The following RNF6 variants were observed in gnomAD, a reference collection of about 807,000 sequenced individuals.
The protein encoded by RNF6 is E3 ubiquitin-protein ligase RNF6.
A neutral mutation model predicts 50.1 loss-of-function variants in RNF6; 21 were observed. The observed-to-expected ratio is 0.42, with a 90% CI of 0.30 to 0.60. The LOEUF is 0.60. Among genes scored for constraint, RNF6 ranks in the 20% least tolerant of loss-of-function variants. The pLI is 0.20. For synonymous variants in RNF6, 255 were observed against 291.8 expected (o/e 0.87, Z 1.29); for missense variants, 698 against 838.2 (o/e 0.83, Z 2.07).
intron 5 of RNF6, among the ~76,000 whole-genome samples, chr13:26,145,459 G>C (rs575617861): frequency 1.3e-5 from 2 of 148,826 alleles, no homozygotes; most frequent in African/African-American, 5.0e-5. Flanking sequence ...GAGGGGGGGG[G>C]ACTTCCCCCT....
rs1313614462 is a variant in RNF6, at chr13:26,149,864, G to A, written n.769-17413C>T. On this transcript the variant is annotated intron_variant and non_coding_transcript_variant, in intron 5 of 5. Coordinates refer to the RNF6 transcript ENST00000468480. The stretch of plus-strand genomic sequence containing the variant: ...CACATACACAGTGTATATATAATGT[G>A]TGTGTGTATATATATATATATATAT... Among the ~76,000 whole-genome samples the A allele has an allele frequency of 2.9e-5, 3 of 102,840 alleles. No homozygotes were observed. The East Asian group carries it at 7.8e-4, about 27-fold the overall frequency. 67.5% of individuals were successfully genotyped at this position (102,840 alleles called of 152,430 possible). A position where few individuals can be genotyped will look rare whatever the true frequency, so the allele number is the denominator to read the frequency against.
chr13:26,172,702 C>T (rs1161132408), intron 5 of RNF6, among the ~76,000 whole-genome samples: 1 of 152,096 alleles, frequency 6.6e-6, no homozygotes, highest in Non-Finnish European at 1.5e-5. Flanking sequence ...CGCCACCATG[C>T]CCGGCTAATT....
At chr13:26,173,119 G>A (rs1191487432) in intron 5 of RNF6, among the ~76,000 whole-genome samples, 7 of 152,186 alleles carry the variant, frequency 4.6e-5, no homozygotes, top group Non-Finnish European at 1.5e-5. Context: ...GGTAGAAACC[G>A]GCAGAGTACA....
chr13:26,219,294 G>T, intron 3 of RNF6, 163 bp downstream of exon 3: 1 of 578,668 alleles, frequency 1.7e-6, no homozygotes, highest in Non-Finnish European at 2.9e-6. Context: ...AGAAGCCAGT[G>T]ATTTTCTACT....
At chr13:26,188,267 T>TG (rs1873648405) in intron 5 of RNF6, among the ~76,000 whole-genome samples, 1 of 152,208 alleles carries the variant, frequency 6.6e-6, no homozygotes, top group South Asian at 2.1e-4. Flanking sequence ...GAAGTGCTGA[T>TG]GGTGGCAAGG....
rs1483828716 is a variant in RNF6 at position 26,215,122 on chromosome 13, T to A, written c.760A>T (p.Asn254Tyr). ...GATTGGTTTGTGTGACTACTGAAATTAGTGCGTGAAGCGTTAGCTCGAGGA... is the reference window on the plus strand; with the variant it reads ...GATTGGTTTGTGTGACTACTGAAATAAGTGCGTGAAGCGTTAGCTCGAGGA... ...GIPRANASRT[N>Y]FSSHTNQSGG... The change falls in exon 5 of 5, where the codon AAT (asparagine) becomes TAT (tyrosine). Residue 254 changes from asparagine to tyrosine, a missense_variant. Coordinates refer to ENST00000381588, the MANE Select transcript of RNF6 (RefSeq NM_005977.4). The A allele has an allele frequency of 6.2e-7, 1 of 1,614,070 alleles. No homozygotes were observed. The highest frequency in any genetic ancestry group is 1.3e-5 in the African/African-American group (1 of 74,924).
chr13:26,139,037 TC>T (rs1870793809), intron 5 of RNF6, among the ~76,000 whole-genome samples: 1 of 152,200 alleles, frequency 6.6e-6, no homozygotes, highest in Non-Finnish European at 1.5e-5. Context: ...ACTTTCTGTA[TC>T]TTATATGTTT....
chr13:26,173,696 A>G (rs917043708), intron 5 of RNF6, among the ~76,000 whole-genome samples: 1 of 151,994 alleles, frequency 6.6e-6, no homozygotes, highest in Non-Finnish European at 1.5e-5. Context: ...TTCTTTGGAA[A>G]AAAAAAAAGC....
intron 5 of RNF6, among the ~76,000 whole-genome samples, chr13:26,206,111 G>T (rs1015622549): frequency 6.6e-5 from 10 of 152,318 alleles, no homozygotes; most frequent in African/African-American, 2.4e-4. Flanking sequence ...CTCCTGATTT[G>T]CTCTGCCCAC....
At chr13:26,186,361 C>T (rs887665294) in intron 5 of RNF6, among the ~76,000 whole-genome samples, 1 of 152,238 alleles carries the variant, frequency 6.6e-6, no homozygotes, top group Non-Finnish European at 1.5e-5. Flanking sequence ...TGTGTAAGAC[C>T]GCGTTTCTCT....
At chr13:26,178,520 G>C (rs1351010290) in intron 5 of RNF6, among the ~76,000 whole-genome samples, 1 of 151,058 alleles carries the variant, frequency 6.6e-6, no homozygotes, top group African/African-American at 2.4e-5. Context: ...GCGGGGGTGG[G>C]GGAGGGCACC....
chr13:26,205,246 C>T (rs1244368942), intron 5 of RNF6, among the ~76,000 whole-genome samples: 1 of 151,772 alleles, frequency 6.6e-6, no homozygotes, highest in African/African-American at 2.4e-5. Context: ...GGAGTCAGAA[C>T]TTTACAAAAG....
intron 5 of RNF6, among the ~76,000 whole-genome samples, chr13:26,170,722 G>T (rs145282479): frequency 6.6e-6 from 1 of 152,092 alleles, no homozygotes; most frequent in Admixed American, 6.6e-5. Flanking sequence ...ACACTTCTTG[G>T]TAAAGTTATT....
At chr13:26,168,602 T>C (rs1872550375) in intron 5 of RNF6, among the ~76,000 whole-genome samples, 1 of 152,252 alleles carries the variant, frequency 6.6e-6, no homozygotes, top group African/African-American at 2.4e-5. Flanking sequence ...TTGGCTCTTT[T>C]AAGCCTTGCA....
At chr13:26,168,462 G>A (rs909198078) in intron 5 of RNF6, among the ~76,000 whole-genome samples, 8 of 152,192 alleles carry the variant, frequency 5.3e-5, no homozygotes, top group East Asian at 1.9e-4. Flanking sequence ...ATGAAGTGTC[G>A]TTTTTGGGCA....
intron 5 of RNF6, among the ~76,000 whole-genome samples, chr13:26,179,470 G>C (rs375647553): frequency 3.0e-4 from 46 of 152,266 alleles, no homozygotes; most frequent in African/African-American, 1.1e-3. Context: ...GTATCCCAGG[G>C]GCATTTGGGA....
At chr13:26,178,591 CGTGTGTGTGTGTGTGT>C (rs3981342) in intron 5 of RNF6, among the ~76,000 whole-genome samples, 9,077 of 100,290 alleles carry the variant, frequency 0.091, 405 homozygotes, top group Middle Eastern at 0.16. Context: ...CTGCCTGGTC[CGTGTGTGTGTGTGTGT>C]GTGTGTGTGT....
chr13:26,213,793 A>G lies in RNF6; in HGVS notation c.*31T>C, dbSNP rs1196023137. 1.2e-5 allele frequency: 18 copies of G among 1,513,836 alleles called. No individual in the cohort carries two copies. Among genetic ancestry groups the G allele is most frequent in the Non-Finnish European group, 1.4e-5 (16 of 1,119,136 alleles). The allele number at this position is 1,513,836 out of a possible 1,614,324, so 93.8% of individuals were successfully genotyped here. A position where few individuals can be genotyped will look rare whatever the true frequency, so the allele number is the denominator to read the frequency against. On this transcript the variant is annotated 3_prime_UTR_variant, in exon 5 of 5. Transcript: ENST00000381588. ...CAATGCTTGAACATTCAGTTCTACT[A>G]AAAAACAGTATTTGAGTAGATCCCA...
In RNF6 at chr13:26,187,535, TC is replaced by T. The variant is rs1279958409; in HGVS notation, n.768+27938del. On this transcript the variant is annotated intron_variant and non_coding_transcript_variant, in intron 5 of 5. Coordinates refer to the RNF6 transcript ENST00000468480. ...GTTATAAAAGAAAAATTACCCTAGT[TC>T]TTCCTGCGGTCCCCTCCCCAGGGAT... 2.6e-5 allele frequency among the ~76,000 whole-genome samples: 4 copies of T among 152,286 alleles called. No individual in the cohort carries two copies. In the East Asian group the frequency reaches 7.7e-4, roughly 29 times the overall value.
Sources: gnomAD v4.1 joint callset for allele counts (sites outside exome capture counted in the v4.1 genomes callset) on GRCh38, gnomAD v4.1.1 for gene constraint, MANE v1.5 for transcripts, NCBI Gene and HGNC (gene_info 2026-07-23, HGNC 2026-07-21) for gene names.